KCNIP1: variants seen among roughly 807,000 people sequenced by gnomAD.
The protein encoded by KCNIP1 is A-type potassium channel modulatory protein KCNIP1.
Under a neutral mutation model 33.0 loss-of-function variants are expected in KCNIP1, and 18 were observed. The observed-to-expected ratio is 0.55, with a 90% CI of 0.38 to 0.81. The LOEUF is 0.81. KCNIP1 is among the 30% of genes least tolerant of loss of function. The pLI, the probability that KCNIP1 is intolerant of heterozygous loss-of-function variation, is 0.00. For missense variants in KCNIP1, 238 were observed against 271.6 expected (o/e 0.88, Z 0.87); for synonymous variants, 93 against 98.3 (o/e 0.95, Z 0.32).
At chr5:170,632,581 A>T (rs1760095048) in intron 1 of KCNIP1, among the ~76,000 whole-genome samples, 1 of 152,248 alleles carries the variant, frequency 6.6e-6, no homozygotes, top group South Asian at 2.1e-4. Flanking sequence ...CCGTTTGCAC[A>T]TTCTTACCGC....
chr5:170,710,697 T>C lies in KCNIP1; in HGVS notation c.62-8061T>C, dbSNP rs182176658. ...ATGATGAGATTTTTTTTTAAATCCT[T>C]TTTATCCAGTTGTTCTCAAGGGATT... On this transcript the variant is annotated intron_variant, in intron 1 of 7. Transcript: ENST00000328939. Among the ~76,000 whole-genome samples the C allele has an allele frequency of 2.6e-5, 4 of 152,316 alleles. 1 individual carries two copies. Among genetic ancestry groups the C allele is most frequent in the Admixed American group, 1.3e-4 (2 of 15,310 alleles).
chr5:170,711,666 A>G (rs891311830), intron 1 of KCNIP1, among the ~76,000 whole-genome samples: 1 of 152,204 alleles, frequency 6.6e-6, no homozygotes, highest in Non-Finnish European at 1.5e-5. Context: ...GAATATACAC[A>G]AACTCTCTAT....
chr5:170,451,770 T>TGTGTGTGTG (rs1215207951), intron 1 of KCNIP1, among the ~76,000 whole-genome samples: 80 of 147,670 alleles, frequency 5.4e-4, no homozygotes, highest in Middle Eastern at 3.6e-3. Flanking sequence ...TGTGTGTGTG[T>TGTGTGTGTG]TTGCAGGGGG....
intron 1 of KCNIP1, among the ~76,000 whole-genome samples, chr5:170,695,968 G>A (rs928529913): frequency 1.3e-4 from 20 of 149,212 alleles, no homozygotes; most frequent in Non-Finnish European, 2.7e-4. Flanking sequence ...GCAGTGAGCC[G>A]AGATTGCACC....
intron 1 of KCNIP1, among the ~76,000 whole-genome samples, chr5:170,708,716 T>C (rs1004486203): frequency 5.3e-5 from 8 of 152,162 alleles, no homozygotes; most frequent in Non-Finnish European, 8.8e-5. Flanking sequence ...GGCAATATAG[T>C]GAGACCTCAT....
chr5:170,612,075 T>C (rs1462078387), intron 1 of KCNIP1, among the ~76,000 whole-genome samples: 1 of 151,958 alleles, frequency 6.6e-6, no homozygotes, highest in African/African-American at 2.4e-5. Context: ...CCCTGTCAGG[T>C]TTCCATATGT....
chr5:170,561,231 G>A (rs150689679), intron 1 of KCNIP1: 59 of 405,630 alleles, frequency 1.5e-4, no homozygotes, highest in African/African-American at 8.5e-4. Context: ...GAAAGTCCCC[G>A]CTCTGCTTGG....
chr5:170,473,892 G>A (rs773958996), intron 1 of KCNIP1, among the ~76,000 whole-genome samples: 2 of 152,170 alleles, frequency 1.3e-5, no homozygotes, highest in Non-Finnish European at 2.9e-5. Flanking sequence ...CATGAGCAAC[G>A]AGACAGGGTA....
chr5:170,367,421 G>GAAAGAAAGAAA (rs1554086776), intron 1 of KCNIP1, among the ~76,000 whole-genome samples: 1 of 74,664 alleles, frequency 1.3e-5, no homozygotes, highest in African/African-American at 5.2e-5. Context: ...AAGAAAGAAA[G>GAAAGAAAGAAA]GAAAGAAAGA....
intron 1 of KCNIP1, among the ~76,000 whole-genome samples, chr5:170,454,756 G>A (rs1756333955): frequency 6.6e-6 from 1 of 152,158 alleles, no homozygotes; most frequent in Admixed American, 6.5e-5. Context: ...TGAAATCTGT[G>A]TGACAGACTT....
chr5:170,717,399 T>A (rs1409184014), intron 1 of KCNIP1, among the ~76,000 whole-genome samples: 1 of 152,220 alleles, frequency 6.6e-6, no homozygotes, highest in Non-Finnish European at 1.5e-5. Context: ...ATTGGCCACT[T>A]GTCTCTGTGG....
intron 1 of KCNIP1, among the ~76,000 whole-genome samples, chr5:170,462,917 T>C (rs1252523874): frequency 6.6e-6 from 1 of 152,084 alleles, no homozygotes. Context: ...GGAGCTAAAC[T>C]ATGAGGATGC....
At chr5:170,633,726 G>A (rs1390666764) in intron 1 of KCNIP1, among the ~76,000 whole-genome samples, 1 of 53,636 alleles carries the variant, frequency 1.9e-5, no homozygotes, top group Admixed American at 1.6e-4. Context: ...GGGGGCGGAG[G>A]GGGGGACGGA....
chr5:170,635,321 C>T (rs1760237280), intron 1 of KCNIP1, among the ~76,000 whole-genome samples: 2 of 152,222 alleles, frequency 1.3e-5, no homozygotes, highest in African/African-American at 2.4e-5. Context: ...TGAGCCATCA[C>T]GCCCGGCCAA....
intron 1 of KCNIP1, among the ~76,000 whole-genome samples, chr5:170,606,536 G>T (rs1471161669): frequency 2.0e-5 from 3 of 152,140 alleles, no homozygotes; most frequent in Non-Finnish European, 4.4e-5. Context: ...ACTGGCTGGA[G>T]AACAGGAAGA....
intron 1 of KCNIP1, among the ~76,000 whole-genome samples, chr5:170,602,837 C>G (rs114394408): frequency 1.3e-5 from 2 of 152,210 alleles, no homozygotes; most frequent in African/African-American, 2.4e-5. Context: ...TTCCCAAGGG[C>G]GCAAGGTGAG....
chr5:170,730,844 A>G (rs1764169794), intron 5 of KCNIP1, among the ~76,000 whole-genome samples: 1 of 152,188 alleles, frequency 6.6e-6, no homozygotes, highest in African/African-American at 2.4e-5. Context: ...GTGCTTAAAA[A>G]AAAAAAACTG....
chr5:170,418,569 A>G (rs1243829259), intron 1 of KCNIP1, among the ~76,000 whole-genome samples: 1 of 152,168 alleles, frequency 6.6e-6, no homozygotes, highest in Non-Finnish European at 1.5e-5. Context: ...TTAAAATACA[A>G]TTCAGATCCT....
chr5:170,493,336 G>A (rs1057372440), intron 1 of KCNIP1, among the ~76,000 whole-genome samples: 18 of 152,138 alleles, frequency 1.2e-4, no homozygotes, highest in Non-Finnish European at 2.4e-4. Flanking sequence ...TTTCAGTTCA[G>A]CAGAAATTCA....
Sources: allele counts gnomAD v4.1 joint callset (sites outside exome capture counted in the v4.1 genomes callset), GRCh38; gene constraint gnomAD v4.1.1; transcripts MANE v1.5; gene names NCBI Gene and HGNC (gene_info 2026-07-23, HGNC 2026-07-21).